SLC25A21: variants seen among roughly 807,000 people sequenced by gnomAD.
The protein encoded by SLC25A21 is mitochondrial 2-oxodicarboxylate carrier.
In SLC25A21, 47 loss-of-function variants were observed where a neutral mutation model predicts 43.8. That is an observed-to-expected ratio of 1.07 (90% confidence interval 0.85 to 1.37). The LOEUF (loss-of-function observed/expected upper bound fraction) is 1.37, where lower values mean the gene tolerates loss of function less well. SLC25A21 is among the 40% of genes most tolerant of loss of function. The pLI, the probability that SLC25A21 is intolerant of heterozygous loss-of-function variation, is 0.00. For synonymous variants in SLC25A21, 131 were observed against 121.3 expected (o/e 1.08, Z -0.52); for missense variants, 352 against 350.2 (o/e 1.00, Z -0.04).
chr14:36,720,666 C>T (rs72679771), intron 6 of SLC25A21, among the ~76,000 whole-genome samples: 2,342 of 152,292 alleles, frequency 0.015, 35 homozygotes, highest in Non-Finnish European at 0.023. Context: ...AAGGCTTAAT[C>T]GAGAATTCAT....
At chr14:36,936,015 T>C (rs1892413939) in intron 1 of SLC25A21, among the ~76,000 whole-genome samples, 1 of 106,038 alleles carries the variant, frequency 9.4e-6, no homozygotes, top group South Asian at 2.6e-4. Flanking sequence ...GGCTAAGTTA[T>C]TCCACATTTC....
At chr14:36,875,642 A>G (rs1352153699) in intron 1 of SLC25A21, among the ~76,000 whole-genome samples, 1 of 152,174 alleles carries the variant, frequency 6.6e-6, no homozygotes, top group African/African-American at 2.4e-5. Flanking sequence ...TAGTATCCCC[A>G]TTGTACAAAT....
In SLC25A21 at chr14:36,678,430, G is replaced by T; in HGVS notation, c.*2228C>A. The T allele has an allele frequency of 7.2e-7, 1 of 1,385,632 alleles. No homozygotes were observed. Among genetic ancestry groups the T allele is most frequent in the Non-Finnish European group, 9.9e-7 (1 of 1,008,654 alleles). 85.8% of individuals were successfully genotyped at this position (1,385,632 alleles called of 1,614,324 possible). On this transcript the variant is annotated 3_prime_UTR_variant, in exon 10 of 10. Coordinates refer to ENST00000331299, the MANE Select transcript of SLC25A21 (RefSeq NM_030631.4). ...CAGAAGGAGCAGATGAACTCTCAGG[G>T]CCATAGTCTTCCTTTGATCTTGTAA...
intron 1 of SLC25A21, among the ~76,000 whole-genome samples, chr14:36,903,791 T>TGCTC (rs1171820389): frequency 1.3e-5 from 2 of 152,146 alleles, no homozygotes; most frequent in African/African-American, 4.8e-5. Flanking sequence ...TAGGAACATG[T>TGCTC]GCTCCTCAGT....
At chr14:36,782,827 A>G (rs1887113789) in intron 3 of SLC25A21, among the ~76,000 whole-genome samples, 1 of 150,138 alleles carries the variant, frequency 6.7e-6, no homozygotes, top group African/African-American at 2.5e-5. Flanking sequence ...GGGGAGGGAT[A>G]GCATTGGGAG....
intron 2 of SLC25A21, among the ~76,000 whole-genome samples, chr14:36,817,445 C>A (rs928662696): frequency 6.6e-5 from 10 of 152,050 alleles, no homozygotes; most frequent in Non-Finnish European, 1.5e-4. Context: ...GAAAGCTGTC[C>A]TTTCTAATGG....
intron 1 of SLC25A21, among the ~76,000 whole-genome samples, chr14:36,916,795 C>G (rs1566736422): frequency 1.3e-5 from 2 of 152,108 alleles, no homozygotes; most frequent in Non-Finnish European, 2.9e-5. Flanking sequence ...TCCCCCTGGA[C>G]AGCTCCACCT....
At chr14:36,899,489 C>T (rs1439646180) in intron 1 of SLC25A21, among the ~76,000 whole-genome samples, 2 of 152,154 alleles carry the variant, frequency 1.3e-5, no homozygotes, top group Non-Finnish European at 2.9e-5. Context: ...TGGGATTGGC[C>T]CTTCTTGCCT....
intron 1 of SLC25A21, among the ~76,000 whole-genome samples, chr14:36,919,298 C>T (rs1891913041): frequency 6.6e-6 from 1 of 151,926 alleles, no homozygotes; most frequent in Non-Finnish European, 1.5e-5. Context: ...TATTAGATTT[C>T]TTTGCCATAT....
At chr14:36,989,957 T>C (rs979271839) in intron 1 of SLC25A21, among the ~76,000 whole-genome samples, 1 of 152,232 alleles carries the variant, frequency 6.6e-6, no homozygotes, top group African/African-American at 2.4e-5. Flanking sequence ...ATATTTATCT[T>C]AAACCTCCTT....
chr14:37,101,768 G>A (rs564671436), intron 1 of SLC25A21, among the ~76,000 whole-genome samples: 16 of 152,226 alleles, frequency 1.1e-4, no homozygotes, highest in South Asian at 1.0e-3. Flanking sequence ...TATAGGTATA[G>A]AAAATGCAAT....
intron 1 of SLC25A21, among the ~76,000 whole-genome samples, chr14:36,988,940 T>C (rs1244098990): frequency 1.2e-4 from 18 of 152,252 alleles, no homozygotes. Context: ...TTATAGTACA[T>C]TGATAGAATA....
intron 1 of SLC25A21, among the ~76,000 whole-genome samples, chr14:37,124,047 G>A (rs1963256201): frequency 6.8e-6 from 1 of 147,094 alleles, no homozygotes; most frequent in African/African-American, 2.5e-5. Flanking sequence ...GTCTCACTCT[G>A]TCGCCCAGGC....
intron 1 of SLC25A21, among the ~76,000 whole-genome samples, chr14:36,940,701 T>C (rs1000640321): frequency 6.6e-6 from 1 of 152,164 alleles, no homozygotes; most frequent in Non-Finnish European, 1.5e-5. Flanking sequence ...CACTGAAATC[T>C]TTTCATTGAA....
intron 3 of SLC25A21, among the ~76,000 whole-genome samples, chr14:36,807,369 G>T (rs1265164826): frequency 6.6e-6 from 1 of 152,146 alleles, no homozygotes; most frequent in Non-Finnish European, 1.5e-5. Flanking sequence ...TGAGAGGGGA[G>T]AGAAAAAGCA....
intron 1 of SLC25A21, among the ~76,000 whole-genome samples, chr14:37,006,700 A>C (rs1290769900): frequency 6.6e-6 from 1 of 152,166 alleles, no homozygotes; most frequent in Non-Finnish European, 1.5e-5. Flanking sequence ...TAATGTTTCT[A>C]AAATTGGGAT....
chr14:36,724,241 T>C (rs1283805906), intron 6 of SLC25A21, among the ~76,000 whole-genome samples: 1 of 152,238 alleles, frequency 6.6e-6, no homozygotes, highest in Non-Finnish European at 1.5e-5. Flanking sequence ...GAATTAGGAC[T>C]GACTTCATCT....
rs150992513 is a variant in SLC25A21, at chr14:37,025,825, C to T, written c.70+146456G>A. Among the ~76,000 whole-genome samples the T allele has an allele frequency of 2.7e-3, 406 of 152,166 alleles. 1 individual carries two copies. Among genetic ancestry groups the T allele is most frequent in the African/African-American group, 8.9e-3 (368 of 41,522 alleles). On this transcript the variant is annotated intron_variant, in intron 1 of 9. Coordinates refer to ENST00000331299, the MANE Select transcript of SLC25A21 (RefSeq NM_030631.4). ...CCTTGCTGGAGATGCAATTTAGCAA[C>T]GCCTGTTCAGGAGTTTTGTTTTCTT...
intron 1 of SLC25A21, among the ~76,000 whole-genome samples, chr14:36,995,299 T>C (rs573000062): frequency 1.7e-4 from 26 of 152,350 alleles, no homozygotes; most frequent in African/African-American, 6.3e-4. Flanking sequence ...TGTGAATCAT[T>C]TTTCCATTTT....
Sources: gnomAD v4.1 joint callset for allele counts (sites outside exome capture counted in the v4.1 genomes callset) on GRCh38, gnomAD v4.1.1 for gene constraint, MANE v1.5 for transcripts, NCBI Gene and HGNC (gene_info 2026-07-23, HGNC 2026-07-21) for gene names.